Variants in KRABD5 observed in about 807,000 individuals in gnomAD.
KRABD5 encodes the protein KRAB domain containing 5, also known as KRAB domain-containing protein 5.
At chr16:31,718,158 A>G in the KRABD5 span, among the ~76,000 whole-genome samples, 2,267 of 152,104 alleles carry the variant, frequency 0.015, 68 homozygotes, top group African/African-American at 0.052. Flanking sequence ...CCCCTCCAGC[A>G]CCTAAATCTG....
chr16:31,714,798 A>T, the KRABD5 span, among the ~76,000 whole-genome samples: 1 of 152,078 alleles, frequency 6.6e-6, no homozygotes, highest in Non-Finnish European at 1.5e-5. Flanking sequence ...TCACAGGCGG[A>T]TGTGGTCGAG....
At chr16:31,736,675 G>A in the KRABD5 span, among the ~76,000 whole-genome samples, 296 of 151,626 alleles carry the variant, frequency 2.0e-3, 2 homozygotes, top group African/African-American at 5.8e-3. Context: ...CCACCACCAC[G>A]CCCAGCTAAT....
the KRABD5 span, chr16:31,754,741 T>G: frequency 4.4e-6 from 2 of 459,718 alleles, no homozygotes; most frequent in African/African-American, 4.0e-5. Context: ...AAATCCTTAG[T>G]AAATTGTCAA....
At chr16:31,760,685 A>G in the KRABD5 span, 4 of 152,178 alleles carry the variant, frequency 2.6e-5, no homozygotes, top group East Asian at 1.9e-4. Context: ...GTAAGAGGTT[A>G]TTTCAGGCAC....
At chr16:31,759,508 G>A in the KRABD5 span, 1 of 1,273,460 alleles carries the variant, frequency 7.9e-7, no homozygotes, top group Non-Finnish European at 1.1e-6. Context: ...AACATGTACA[G>A]TTAAGGTTTA....
the KRABD5 span, among the ~76,000 whole-genome samples, chr16:31,730,372 G>A: frequency 6.6e-6 from 1 of 151,694 alleles, no homozygotes; most frequent in Non-Finnish European, 1.5e-5. Context: ...TTAATATATG[G>A]TATCACTCCC....
At chr16:31,722,720 T>A in the KRABD5 span, 1 of 1,610,950 alleles carries the variant, frequency 6.2e-7, no homozygotes, top group Non-Finnish European at 8.5e-7. Context: ...GGGGATGTGA[T>A]GTTAGAGAAC....
the KRABD5 span, chr16:31,759,527 A>T: frequency 9.2e-7 from 1 of 1,088,032 alleles, no homozygotes; most frequent in Non-Finnish European, 1.4e-6. Context: ...TATGCCTTGC[A>T]ATGTATGTAC....
chr16:31,717,769 G>T, the KRABD5 span, among the ~76,000 whole-genome samples: 672 of 152,132 alleles, frequency 4.4e-3, 6 homozygotes, highest in African/African-American at 0.016. Context: ...GAAATGTAAG[G>T]TGCCCACCAG....
At chr16:31,733,649 C>A in the KRABD5 span, 1 of 455,544 alleles carries the variant, frequency 2.2e-6, no homozygotes, top group East Asian at 7.0e-5. Flanking sequence ...TAAACAGTGT[C>A]TCTTTCTTTT....
chr16:31,745,373 A>G, the KRABD5 span, among the ~76,000 whole-genome samples: 1 of 152,024 alleles, frequency 6.6e-6, no homozygotes, highest in Non-Finnish European at 1.5e-5. Context: ...TAATTTCATT[A>G]TTTTCCCAGG....
At chr16:31,749,637 TG>T in the KRABD5 span, among the ~76,000 whole-genome samples, 2 of 152,298 alleles carry the variant, frequency 1.3e-5, no homozygotes, top group East Asian at 3.9e-4. Flanking sequence ...GGAAGAAGCA[TG>T]GTTTTCCTGG....
At chr16:31,738,002 A>G in the KRABD5 span, among the ~76,000 whole-genome samples, 1 of 152,168 alleles carries the variant, frequency 6.6e-6, no homozygotes, top group African/African-American at 2.4e-5. Flanking sequence ...ATTCATGGAC[A>G]TGCCATTTTT....
At chr16:31,745,394 G>A in the KRABD5 span, among the ~76,000 whole-genome samples, 3 of 152,124 alleles carry the variant, frequency 2.0e-5, no homozygotes, top group South Asian at 4.1e-4. Context: ...AATCATGCAG[G>A]AGCAGGTTCT....
the KRABD5 span, chr16:31,754,663 A>T: frequency 3.6e-4 from 166 of 459,626 alleles, no homozygotes; most frequent in Admixed American, 6.3e-4. Flanking sequence ...TTATCCAGTC[A>T]TCAAAACATA....
At chr16:31,753,906 T>C in the KRABD5 span, 69,046 of 1,549,926 alleles carry the variant, frequency 0.045, 1,927 homozygotes, top group African/African-American at 0.13. Context: ...TGAGGGTAAG[T>C]GTGAAGGTCA....
chr16:31,737,400 T>A, the KRABD5 span, among the ~76,000 whole-genome samples: 77 of 152,318 alleles, frequency 5.1e-4, 1 homozygote, highest in Non-Finnish European at 5.7e-4. Flanking sequence ...CATCTCTGTG[T>A]GCTGATAGAA....
chr16:31,759,078 A>G, the KRABD5 span: 1 of 303,746 alleles, frequency 3.3e-6, no homozygotes, highest in Non-Finnish European at 6.4e-6. Flanking sequence ...ACCACTAAAA[A>G]ATGCAAAGAA....
the KRABD5 span, among the ~76,000 whole-genome samples, chr16:31,731,511 G>T: frequency 6.6e-6 from 1 of 152,196 alleles, no homozygotes; most frequent in Non-Finnish European, 1.5e-5. Flanking sequence ...CATTGAACAA[G>T]TCACTGATGG....
Sources: gnomAD v4.1 joint callset for allele counts (sites outside exome capture counted in the v4.1 genomes callset) on GRCh38, gnomAD v4.1.1 for gene constraint, MANE v1.5 for transcripts, NCBI Gene and HGNC (gene_info 2026-07-23, HGNC 2026-07-21) for gene names.